The following LOX variants were observed in gnomAD, a reference collection of about 807,000 sequenced individuals.
LOX encodes the protein protein-lysine 6-oxidase.
In LOX, 12 loss-of-function variants were observed where a neutral mutation model predicts 50.5. The ratio of observed to expected loss-of-function variants is 0.24; its 90% CI spans 0.15 to 0.38. The LOEUF is 0.38. Ranked by LOEUF, LOX falls within the 10% of genes least tolerant of loss-of-function variation. The pLI is 1.00. For missense variants in LOX, 504 were observed against 563.8 expected (o/e 0.89, Z 1.07); for synonymous variants, 254 against 230.6 (o/e 1.10, Z -0.92).
chr5:122,066,485 G>A lies in LOX; in HGVS notation c.*258C>T. Reference sequence around the variant, plus strand: ...GGATTTCTTTGAAAGAGTCAAATATGTAATTACAGAATTGAAACACTGTGT... The same window carrying A: ...GGATTTCTTTGAAAGAGTCAAATATATAATTACAGAATTGAAACACTGTGT... On this transcript the variant is annotated 3_prime_UTR_variant, in exon 7 of 7. Coordinates refer to ENST00000231004, the MANE Select transcript of LOX (RefSeq NM_002317.7). The A allele has an allele frequency of 2.6e-6, 1 of 387,798 alleles. No homozygotes were observed. Among genetic ancestry groups the A allele is most frequent in the East Asian group, 3.7e-5 (1 of 26,678 alleles). The allele number at this position is 387,798 out of a possible 1,614,324, so 24.0% of individuals were successfully genotyped here.
chr5:122,064,478 T>G lies in LOX; in HGVS notation c.*2265A>C, dbSNP rs1215314508. ...AAAATCGTCAAAATTAACCAAATAG[T>G]AGGTGTTATATTTAAAAGGCAGACA... On this transcript the variant is annotated 3_prime_UTR_variant, in exon 7 of 7. Coordinates refer to ENST00000231004, the MANE Select transcript of LOX (RefSeq NM_002317.7). 1 of 151,664 alleles carries G rather than the reference T, an allele frequency of 6.6e-6. No individual in the cohort carries two copies. The highest frequency in any genetic ancestry group is 1.5e-5 in the Non-Finnish European group (1 of 67,822). 9.4% of individuals were successfully genotyped at this position (151,664 alleles called of 1,614,324 possible). A position where few individuals can be genotyped will look rare whatever the true frequency, so the allele number is the denominator to read the frequency against.
intron 6 of LOX, 24 bp downstream of exon 6, chr5:122,070,029 C>G (rs768665449): frequency 4.7e-6 from 7 of 1,500,646 alleles, no homozygotes; most frequent in Middle Eastern, 3.4e-4. Context: ...ACAACAATTA[C>G]TTAGCTAAGC....
rs2152583119 is a variant in LOX, at chr5:122,064,010, A to G, written c.*2733T>C. 1 of 152,080 alleles carries G rather than the reference A, an allele frequency of 6.6e-6. No homozygotes were observed. Among genetic ancestry groups the G allele is most frequent in the South Asian group, 2.1e-4 (1 of 4,826 alleles). The allele number at this position is 152,080 out of a possible 1,614,324, so 9.4% of individuals were successfully genotyped here. ...TATGTTATGCTAGCCTCAGAGGTCA[A>G]GACATCTTTAACCCAGACTGTGGTC... On this transcript the variant is annotated 3_prime_UTR_variant, in exon 7 of 7. Transcript: ENST00000231004.
intron 6 of LOX, 150 bp downstream of exon 6, chr5:122,069,899 AAAAT>A: frequency 1.4e-6 from 1 of 704,388 alleles, no homozygotes. Context: ...ATTATTTAAA[AAAAT>A]AAAATCAGAC....
At chr5:122,066,833 T>C in intron 6 of LOX, 84 bp from the exon 7 acceptor site, 1 of 847,840 alleles carries the variant, frequency 1.2e-6, no homozygotes, top group Non-Finnish European at 2.0e-6. Flanking sequence ...AAGTCAACCT[T>C]TTAAAAACTT....
chr5:122,071,751 T>C (rs1245269084), intron 4 of LOX, among the ~76,000 whole-genome samples: 1 of 152,186 alleles, frequency 6.6e-6, no homozygotes, highest in Non-Finnish European at 1.5e-5. Flanking sequence ...TAGCAACCAA[T>C]ATTGCTTTGC....
In LOX at chr5:122,077,113, G is replaced by A; in HGVS notation, c.632-112C>T. 13 of 1,500,978 alleles carry A rather than the reference G, an allele frequency of 8.7e-6. No homozygotes were observed. The highest frequency in any genetic ancestry group is 2.4e-5 in the East Asian group (1 of 42,184). The allele number at this position is 1,500,978 out of a possible 1,614,324, so 93.0% of individuals were successfully genotyped here. A position where few individuals can be genotyped will look rare whatever the true frequency, so the allele number is the denominator to read the frequency against. On this transcript the variant is annotated intron_variant, in intron 1 of 6. Coordinates refer to ENST00000231004, the MANE Select transcript of LOX (RefSeq NM_002317.7). The surrounding 1 kb of genome is among the most constrained non-coding windows in gnomAD (Gnocchi z 4.9). ...TCACCCTTCGCCCACCGGGACTGCA[G>A]AGTGGAGCGGAGGACAGCAAGAGAA...
chr5:122,070,684 T>A, intron 4 of LOX, 95 bp from the exon 5 acceptor site: 1 of 636,488 alleles, frequency 1.6e-6, no homozygotes, highest in Non-Finnish European at 2.8e-6. Flanking sequence ...TTTAAGTTAG[T>A]ACTTACAAGA....
At chr5:122,068,315 A>T (rs556789945) in intron 6 of LOX, among the ~76,000 whole-genome samples, 7 of 152,204 alleles carry the variant, frequency 4.6e-5, no homozygotes, top group Non-Finnish European at 8.8e-5. Context: ...AATGGATTCT[A>T]CTGATTAAAA....
In LOX at chr5:122,063,636, A is replaced by G. The variant is rs1035263404; in HGVS notation, c.*3107T>C. The G allele has an allele frequency of 6.6e-6, 1 of 151,942 alleles. No homozygotes were observed. Among genetic ancestry groups the G allele is most frequent in the Non-Finnish European group, 1.5e-5 (1 of 67,886 alleles). 9.4% of individuals were successfully genotyped at this position (151,942 alleles called of 1,614,324 possible). A position where few individuals can be genotyped will look rare whatever the true frequency, so the allele number is the denominator to read the frequency against. ...GTTGATTGTGAATATGAGTTCAAAA[A>G]AATATGTATATATAGAAAAAAGAGT... On this transcript the variant is annotated 3_prime_UTR_variant, in exon 7 of 7. Coordinates refer to ENST00000231004, the MANE Select transcript of LOX (RefSeq NM_002317.7).
At chr5:122,069,084 A>G (rs796582444) in intron 6 of LOX, among the ~76,000 whole-genome samples, 27 of 152,174 alleles carry the variant, frequency 1.8e-4, no homozygotes, top group African/African-American at 3.4e-4. Flanking sequence ...GGCTTCATCT[A>G]TCTCTAATGT....
At position 122,076,845 on chromosome 5, in the gene LOX, C is replaced by T. The variant is rs372100781; in HGVS notation, c.740+48G>A. The stretch of plus-strand genomic sequence containing the variant: ...AGTCAGAACCAGGCACCAGAGCGCC[C>T]CCTGAAGGTAGACCGGGGAGCGGGG... On this transcript the variant is annotated intron_variant, in intron 2 of 6. Coordinates refer to ENST00000231004, the MANE Select transcript of LOX (RefSeq NM_002317.7). 1.9e-6 allele frequency: 3 copies of T among 1,550,594 alleles called. No individual in the cohort carries two copies. The African/African-American group carries it at 4.1e-5, about 21-fold the overall frequency.
chr5:122,076,462 A>G (rs562926544), intron 2 of LOX, among the ~76,000 whole-genome samples: 27 of 152,340 alleles, frequency 1.8e-4, no homozygotes, highest in African/African-American at 6.3e-4. Flanking sequence ...ACAAAAGAGG[A>G]AAACTTAGTC....
At position 122,077,885 on chromosome 5, in the gene LOX, T is replaced by A. The variant is rs1392060664; in HGVS notation, c.101A>T (p.Glu34Val). Residue 34 changes from glutamate (E) to valine (V), a missense_variant, in exon 1 of 7, where the codon GAG becomes GTG. Transcript: ENST00000231004. The surrounding 1 kb of genome is among the most constrained non-coding windows in gnomAD (Gnocchi z 4.9). ...PAAGQQQPPREPPAAPGAWRQ... is the reference protein window; with the variant it reads ...PAAGQQQPPRVPPAAPGAWRQ... Reference sequence around the variant, plus strand: ...CCAGGCGCCCGGAGCCGCCGGCGGCTCGCGCGGGGGCTGCTGTTGGCCGGC... The same window carrying A: ...CCAGGCGCCCGGAGCCGCCGGCGGCACGCGCGGGGGCTGCTGTTGGCCGGC... 1 of 1,535,726 alleles carries A rather than the reference T, an allele frequency of 6.5e-7. No individual in the cohort carries two copies. Among genetic ancestry groups the A allele is most frequent in the Admixed American group, 2.1e-5 (1 of 47,338 alleles).
At chr5:122,068,624 A>C (rs1180344531) in intron 6 of LOX, among the ~76,000 whole-genome samples, 1 of 152,198 alleles carries the variant, frequency 6.6e-6, no homozygotes, top group Non-Finnish European at 1.5e-5. Flanking sequence ...AACAGTGGAC[A>C]AGAGACTAAA....
Position 122,077,440 on chromosome 5 carries a change from A to AGGGTTGTCGTCAGAGTACTTGTAG in LOX, c.522_545dup (p.Lys176_Tyr183dup). 6.2e-7 allele frequency: 1 copy of AGGGTTGTCGTCAGAGTACTTGTAG among 1,614,044 alleles called. No individual in the cohort carries two copies. The highest frequency in any genetic ancestry group is 8.5e-7 in the Non-Finnish European group (1 of 1,179,982). On this transcript the variant is annotated inframe_insertion, in exon 1 of 7. Transcript: ENST00000231004. This position sits in a 1 kb window ranked among gnomAD's most constrained non-coding sequence, Gnocchi z 4.9. ...CATAAGTATCGTAGTAGTTGTAATA[A>AGGGTTGTCGTCAGAGTACTTGTAG]GGGTTGTCGTCAGAGTACTTGTAGG...
rs1222238231 is a variant in LOX, at chr5:122,077,750, G to C, written c.236C>G (p.Ala79Gly). Reference sequence around the variant, plus strand: ...GGGCTGCTGGGCGGAGGCGTTGGCTGCACCAGGGACGGCGGCGCCCGGGTC... The same window carrying C: ...GGGCTGCTGGGCGGAGGCGTTGGCTCCACCAGGGACGGCGGCGCCCGGGTC... ...RRDPGAAVPG[A>G]ANASAQQPRT... The change falls in exon 1 of 7, where the codon GCA (alanine) becomes GGA (glycine). Residue 79 changes from alanine (A) to glycine (G), a missense_variant. Transcript: ENST00000231004. This position sits in a 1 kb window ranked among gnomAD's most constrained non-coding sequence, Gnocchi z 4.9. The C allele has an allele frequency of 1.9e-6, 3 of 1,563,434 alleles. No homozygotes were observed. The highest frequency in any genetic ancestry group is 2.6e-6 in the Non-Finnish European group (3 of 1,159,330).
At position 122,070,319 on chromosome 5, in the gene LOX, T is replaced by C. The variant is rs1580559848; in HGVS notation, c.1132-151A>G. The C allele has an allele frequency of 4.6e-6, 3 of 655,782 alleles. No individual in the cohort carries two copies. In the East Asian group the frequency reaches 8.1e-5, roughly 18 times the overall value. The allele number at this position is 655,782 out of a possible 1,614,324, so 40.6% of individuals were successfully genotyped here. On this transcript the variant is annotated intron_variant, in intron 5 of 6. Transcript: ENST00000231004. The stretch of plus-strand genomic sequence containing the variant: ...GGAGACGTTATGGAAAGAGACTGCA[T>C]ATTTTCCCCTGAAGTTCTTTAAAAT...
Position 122,070,120 on chromosome 5 carries a change from T to C in LOX, c.1180A>G (p.Asn394Asp). 1 of 1,613,352 alleles carries C rather than the reference T, an allele frequency of 6.2e-7. No homozygotes were observed. Among genetic ancestry groups the C allele is most frequent in the Non-Finnish European group, 8.5e-7 (1 of 1,179,420 alleles). ...YLVPESDYTN[N>D]VVRCDIRYTG... ...TAGCGAATGTCACAGCGCACAACAT[T>C]GTTGGTATAGTCAGATTCAGGAACC... is the stretch of plus-strand genomic sequence containing the variant. Residue 394 changes from asparagine to aspartate, a missense_variant, in exon 6 of 7, where the codon AAT becomes GAT. Physicochemically the swap from Asn to Asp is conservative, Grantham distance 23. Around this residue, in one of 2 missense-constraint regions of LOX, gnomAD observed 106 missense variants for 198.1 expected, o/e 0.54. Coordinates refer to ENST00000231004, the MANE Select transcript of LOX (RefSeq NM_002317.7).
Sources: gnomAD v4.1 joint callset for allele counts (sites outside exome capture counted in the v4.1 genomes callset) on GRCh38, gnomAD v4.1.1 for gene constraint, gnomAD v4.1.1 regional missense constraint, Gnocchi (gnomAD v3.1) non-coding constraint, MANE v1.5 for transcripts, NCBI Gene and HGNC (gene_info 2026-07-23, HGNC 2026-07-21) for gene names.